HS6ST3: variants seen among roughly 807,000 people sequenced by gnomAD.
HS6ST3 encodes heparan sulfate 6-O-sulfotransferase 3.
A neutral mutation model predicts 36.7 loss-of-function variants in HS6ST3; 12 were observed. The ratio of observed to expected loss-of-function variants is 0.33; its 90% CI spans 0.21 to 0.53. The LOEUF is 0.53. HS6ST3 is among the 20% of genes least tolerant of loss of function. The pLI is 0.95. For synonymous variants in HS6ST3, 240 were observed against 257.5 expected, an observed-to-expected ratio of 0.93 and a Z score of 0.65; for missense variants, 584 against 640.9, an observed-to-expected ratio of 0.91 and a Z score of 0.96.
chr13:96,799,422 ACACATACAC>A (rs1236058188), intron 1 of HS6ST3, among the ~76,000 whole-genome samples: 1 of 152,134 alleles, frequency 6.6e-6, no homozygotes, highest in Non-Finnish European at 1.5e-5. Flanking sequence ...AAAATGTGGC[ACACATACAC>A]CATGGAATAC....
intron 1 of HS6ST3, among the ~76,000 whole-genome samples, chr13:96,636,014 C>T (rs1039901457): frequency 2.0e-5 from 3 of 152,156 alleles, no homozygotes; most frequent in African/African-American, 4.8e-5. Flanking sequence ...CTGTACTTGA[C>T]TTCATCAATT....
At chr13:96,749,171 GCT>G (rs1303445551) in intron 1 of HS6ST3, among the ~76,000 whole-genome samples, 5 of 152,008 alleles carry the variant, frequency 3.3e-5, no homozygotes, top group Non-Finnish European at 7.4e-5. Flanking sequence ...CTGCAAATAT[GCT>G]CTGTCTTCAG....
At chr13:96,137,697 C>T (rs770012933) in intron 1 of HS6ST3, among the ~76,000 whole-genome samples, 1 of 152,198 alleles carries the variant, frequency 6.6e-6, no homozygotes, top group Non-Finnish European at 1.5e-5. Context: ...TCCCAAAGTA[C>T]TGGGATTACA....
At chr13:96,422,855 T>C (rs1196615921) in intron 1 of HS6ST3, among the ~76,000 whole-genome samples, 2 of 152,212 alleles carry the variant, frequency 1.3e-5, no homozygotes, top group Non-Finnish European at 2.9e-5. Context: ...TTAAAATAAG[T>C]TTTCTCCTTT....
chr13:96,652,901 G>A (rs2056612384), intron 1 of HS6ST3, among the ~76,000 whole-genome samples: 1 of 152,034 alleles, frequency 6.6e-6, no homozygotes, highest in African/African-American at 2.4e-5. Context: ...AGGGAAAAGT[G>A]GAGAAAATGT....
intron 1 of HS6ST3, among the ~76,000 whole-genome samples, chr13:96,163,539 A>AT (rs973937376): frequency 6.6e-6 from 1 of 152,012 alleles, no homozygotes; most frequent in Non-Finnish European, 1.5e-5. Context: ...CCTGTGATAC[A>AT]TTTTTTAAAA....
chr13:96,198,960 A>G (rs1345812443), intron 1 of HS6ST3, among the ~76,000 whole-genome samples: 1 of 152,228 alleles, frequency 6.6e-6, no homozygotes, highest in Non-Finnish European at 1.5e-5. Flanking sequence ...CAAGACTTAG[A>G]AGAAAAAGAG....
rs191703643 is a variant in HS6ST3 at position 96,644,790 on chromosome 13, G to C, written c.708-187700G>C. 7.6e-4 allele frequency among the ~76,000 whole-genome samples: 115 copies of C among 152,064 alleles called. 3 individuals are homozygous for C. Among genetic ancestry groups the C allele is most frequent in the Admixed American group, 6.5e-3 (99 of 15,242 alleles). On this transcript the variant is annotated intron_variant, in intron 1 of 1. Transcript: ENST00000376705. ...GCAAAATTGCCAGACCCTCTTGTTG[G>C]CTTCTTGATATGGTAAATAGACAAA...
At chr13:96,173,091 C>G (rs943627769) in intron 1 of HS6ST3, among the ~76,000 whole-genome samples, 4 of 151,868 alleles carry the variant, frequency 2.6e-5, no homozygotes, top group South Asian at 2.1e-4. Context: ...AGGCAACAAA[C>G]AAAGAAAAGA....
intron 1 of HS6ST3, among the ~76,000 whole-genome samples, chr13:96,244,782 T>G (rs78181065): frequency 0.012 from 1,756 of 152,276 alleles, 35 homozygotes; most frequent in African/African-American, 0.041. Flanking sequence ...TCGAAATCTA[T>G]GGGTGGCCTA....
chr13:96,218,278 T>C (rs2054436991), intron 1 of HS6ST3, among the ~76,000 whole-genome samples: 1 of 151,210 alleles, frequency 6.6e-6, no homozygotes, highest in South Asian at 2.1e-4. Context: ...AGGGAGGGAG[T>C]CAGGCCTCAC....
At chr13:96,337,158 C>T (rs1171398948) in intron 1 of HS6ST3, among the ~76,000 whole-genome samples, 5 of 152,112 alleles carry the variant, frequency 3.3e-5, no homozygotes, top group Admixed American at 6.5e-5. Context: ...CTCCGCCTCC[C>T]GGGTTCACGC....
intron 1 of HS6ST3, among the ~76,000 whole-genome samples, chr13:96,579,782 G>A (rs1304385922): frequency 6.6e-6 from 1 of 152,168 alleles, no homozygotes; most frequent in Non-Finnish European, 1.5e-5. Flanking sequence ...GTGAGTCACT[G>A]TTTGGGGTTG....
At chr13:96,369,710 C>G (rs1448441991) in intron 1 of HS6ST3, among the ~76,000 whole-genome samples, 2 of 152,052 alleles carry the variant, frequency 1.3e-5, no homozygotes, top group Non-Finnish European at 2.9e-5. Flanking sequence ...TGCTGCACAT[C>G]AATCAGTACA....
chr13:96,582,220 C>G (rs2056344550), intron 1 of HS6ST3, among the ~76,000 whole-genome samples: 1 of 152,122 alleles, frequency 6.6e-6, no homozygotes, highest in Admixed American at 6.5e-5. Flanking sequence ...GTTTGCAATT[C>G]TGCACAATCT....
At chr13:96,577,123 C>T (rs984632144) in intron 1 of HS6ST3, among the ~76,000 whole-genome samples, 2 of 151,968 alleles carry the variant, frequency 1.3e-5, no homozygotes, top group Admixed American at 6.6e-5. Context: ...CCCATCAACC[C>T]GTCATCTACA....
intron 1 of HS6ST3, chr13:96,574,143 A>G (rs533087328): frequency 1.9e-6 from 1 of 534,484 alleles, no homozygotes; most frequent in South Asian, 1.4e-5. Flanking sequence ...CATTGCATTT[A>G]AGGACAGCTG....
At chr13:96,295,663 C>T (rs1171922681) in intron 1 of HS6ST3, among the ~76,000 whole-genome samples, 1 of 152,022 alleles carries the variant, frequency 6.6e-6, no homozygotes, top group Non-Finnish European at 1.5e-5. Context: ...TAAAAGCCTG[C>T]CAGGCTTTAT....
At chr13:96,289,843 C>G (rs1310339581) in intron 1 of HS6ST3, among the ~76,000 whole-genome samples, 2 of 147,730 alleles carry the variant, frequency 1.4e-5, no homozygotes, top group African/African-American at 4.9e-5. Context: ...GAAGCTTTAT[C>G]TGTGAGGTGC....
Sources: gnomAD v4.1 joint callset for allele counts (sites outside exome capture counted in the v4.1 genomes callset) on GRCh38, gnomAD v4.1.1 for gene constraint, MANE v1.5 for transcripts, NCBI Gene and HGNC (gene_info 2026-07-23, HGNC 2026-07-21) for gene names.